ZNF100: variants seen among roughly 807,000 people sequenced by gnomAD.
The protein encoded by ZNF100 is zinc finger protein 100.
A neutral mutation model predicts 15.8 loss-of-function variants in ZNF100; 12 were observed. That is an observed-to-expected ratio of 0.76 (90% CI 0.49 to 1.23). The LOEUF is 1.23. Ranked by LOEUF, ZNF100 falls within the 50% of genes most tolerant of loss-of-function variation. ZNF100 has a pLI of 0.00. For missense variants in ZNF100, 670 were observed against 635.6 expected (o/e 1.05, Z -0.58); for synonymous variants, 226 against 214.8 (o/e 1.05, Z -0.45).
intron 2 of ZNF100, among the ~76,000 whole-genome samples, chr19:21,760,386 T>C (rs1414221360): frequency 1.3e-5 from 2 of 151,434 alleles, no homozygotes; most frequent in Admixed American, 6.6e-5. Flanking sequence ...TCCTAGCTAG[T>C]TGGGAGGCTG....
rs539603321 is a variant in ZNF100, at chr19:21,731,074, A to G, written c.323-3085T>C. On this transcript the variant is annotated intron_variant, in intron 4 of 4. Transcript: ENST00000358296. The stretch of plus-strand genomic sequence containing the variant: ...AAAGTACCCAAGAGTCTTCAAAAAA[A>G]AGAAAATGTTGAAGGCATTATAGTT... Among the ~76,000 whole-genome samples the G allele has an allele frequency of 2.6e-5, 4 of 152,280 alleles. No individual in the cohort carries two copies. The South Asian group carries it at 8.3e-4, about 32-fold the overall frequency.
At chr19:21,755,415 T>C (rs1417654084) in intron 2 of ZNF100, among the ~76,000 whole-genome samples, 1 of 151,090 alleles carries the variant, frequency 6.6e-6, no homozygotes, top group Non-Finnish European at 1.5e-5. Context: ...AGAATGGTAA[T>C]GATTAAAAAG....
intron 3 of ZNF100, among the ~76,000 whole-genome samples, 185 bp from the exon 4 acceptor site, chr19:21,744,300 G>A (rs181296407): frequency 4.5e-4 from 69 of 152,072 alleles, no homozygotes; most frequent in Non-Finnish European, 8.4e-4. Flanking sequence ...TTCACTACCC[G>A]GTACTCATGA....
At chr19:21,733,866 G>A (rs1324475737) in intron 4 of ZNF100, among the ~76,000 whole-genome samples, 1 of 152,278 alleles carries the variant, frequency 6.6e-6, no homozygotes, top group Non-Finnish European at 1.5e-5. Flanking sequence ...GGAGCAGGCA[G>A]TTCTCTCTGC....
At position 21,731,302 on chromosome 19, in the gene ZNF100, C is replaced by CTTTTTTTTTTTTTT. The variant is rs1052854047; in HGVS notation, c.323-3314_323-3313insAAAAAAAAAAAAAA. Among the ~76,000 whole-genome samples, 4 of 139,632 alleles carry CTTTTTTTTTTTTTT rather than the reference C, an allele frequency of 2.9e-5. 1 individual carries two copies. Among genetic ancestry groups the CTTTTTTTTTTTTTT allele is most frequent in the Non-Finnish European group, 3.1e-5 (2 of 65,500 alleles). 91.6% of individuals were successfully genotyped at this position (139,632 alleles called of 152,430 possible). On this transcript the variant is annotated intron_variant, in intron 4 of 4. Coordinates refer to ENST00000358296, the MANE Select transcript of ZNF100 (RefSeq NM_173531.4). ...TGCAAGTTTCTTTCCTTTTTCTTTC[C>CTTTTTTTTTTTTTT]TTTTTTTTTTATTTTTTATTTTTTG...
chr19:21,765,485 T>C (rs947079451), intron 2 of ZNF100, among the ~76,000 whole-genome samples: 5 of 152,224 alleles, frequency 3.3e-5, no homozygotes, highest in African/African-American at 1.2e-4. Context: ...TTTGGAATAC[T>C]TTTTGGTAAC....
intron 2 of ZNF100, among the ~76,000 whole-genome samples, chr19:21,761,993 G>GATC (rs2145746412): frequency 6.6e-6 from 1 of 152,252 alleles, no homozygotes; most frequent in East Asian, 1.9e-4. Context: ...AAGGCAGGCA[G>GATC]ATCACTTGAG....
At chr19:21,741,013 C>T (rs1011780350) in intron 4 of ZNF100, among the ~76,000 whole-genome samples, 16 of 152,062 alleles carry the variant, frequency 1.1e-4, no homozygotes, top group African/African-American at 3.9e-4. Context: ...TGAGGCAACC[C>T]GGGTGTCTCT....
intron 2 of ZNF100, among the ~76,000 whole-genome samples, chr19:21,758,073 G>T (rs2036419186): frequency 6.6e-6 from 1 of 151,510 alleles, no homozygotes; most frequent in Non-Finnish European, 1.5e-5. Flanking sequence ...AACAAAATAT[G>T]GTACATAAGC....
At chr19:21,733,375 A>G (rs1409000715) in intron 4 of ZNF100, among the ~76,000 whole-genome samples, 1 of 152,222 alleles carries the variant, frequency 6.6e-6, no homozygotes, top group African/African-American at 2.4e-5. Context: ...ATTAAAATAC[A>G]TTGTTTTAAC....
At chr19:21,730,777 T>G (rs1169928316) in intron 4 of ZNF100, among the ~76,000 whole-genome samples, 1 of 152,132 alleles carries the variant, frequency 6.6e-6, no homozygotes, top group Non-Finnish European at 1.5e-5. Context: ...AACACATTTG[T>G]TAAGACTGAG....
intron 2 of ZNF100, chr19:21,753,624 T>C (rs2036345981): frequency 6.6e-6 from 1 of 152,144 alleles, no homozygotes; most frequent in Non-Finnish European, 1.5e-5. Context: ...TTTATGAAGG[T>C]TTGTAGCACT....
At position 21,723,528 on chromosome 19, in the gene ZNF100, G is replaced by C. The variant is rs1309137732; in HGVS notation, c.*3155C>G. 6.6e-6 allele frequency: 1 copy of C among 152,130 alleles called. No homozygotes were observed. The highest frequency in any genetic ancestry group is 1.9e-4 in the East Asian group (1 of 5,196). 9.4% of individuals were successfully genotyped at this position (152,130 alleles called of 1,614,324 possible). A position where few individuals can be genotyped will look rare whatever the true frequency, so the allele number is the denominator to read the frequency against. ...GCTGGGGATACACATAATAAATACAGAGAAATCTGAAGATAATTAAGAAAT... is the reference window on the plus strand; with the variant it reads ...GCTGGGGATACACATAATAAATACACAGAAATCTGAAGATAATTAAGAAAT... On this transcript the variant is annotated 3_prime_UTR_variant, in exon 5 of 5. Coordinates refer to ENST00000358296, the MANE Select transcript of ZNF100 (RefSeq NM_173531.4).
At chr19:21,752,114 C>T (rs891165328) in intron 2 of ZNF100, 6 of 178,546 alleles carry the variant, frequency 3.4e-5, no homozygotes, top group Non-Finnish European at 5.8e-5. Flanking sequence ...ACAAAACACT[C>T]TTCTGTCCTT....
chr19:21,728,130 G>GA, intron 4 of ZNF100, 141 bp from the exon 5 acceptor site: 1 of 680,938 alleles, frequency 1.5e-6, no homozygotes, highest in Non-Finnish European at 2.0e-6. Flanking sequence ...ACATATAAAT[G>GA]TAAAAAAAAA....
At position 21,726,508 on chromosome 19, in the gene ZNF100, A is replaced by T; in HGVS notation, c.*175T>A. 1.7e-6 allele frequency: 1 copy of T among 605,434 alleles called. No homozygotes were observed. Among genetic ancestry groups the T allele is most frequent in the Non-Finnish European group, 2.7e-6 (1 of 364,776 alleles). The allele number at this position is 605,434 out of a possible 1,614,324, so 37.5% of individuals were successfully genotyped here. ...TTTGAGGTGTTTTCAAAGCACTGTC[A>T]CATCTTTCTGGTTTGTAGAATTTCT... is the stretch of plus-strand genomic sequence containing the variant. On this transcript the variant is annotated 3_prime_UTR_variant, in exon 5 of 5. Coordinates refer to ENST00000358296, the MANE Select transcript of ZNF100 (RefSeq NM_173531.4).
chr19:21,745,337 TAC>T (rs1395760043), intron 2 of ZNF100, among the ~76,000 whole-genome samples: 1 of 152,164 alleles, frequency 6.6e-6, no homozygotes, highest in African/African-American at 2.4e-5. Context: ...CACAAACATA[TAC>T]ATTTTTGAGT....
At chr19:21,757,464 A>G (rs764935555) in intron 2 of ZNF100, among the ~76,000 whole-genome samples, 9 of 152,174 alleles carry the variant, frequency 5.9e-5, no homozygotes, top group Non-Finnish European at 1.3e-4. Context: ...ACTAACAGAT[A>G]CTGGCAAGGT....
Position 21,765,784 on chromosome 19 carries a change from ATCCTAC to A in ZNF100, c.4-4_5del. On this transcript the variant is annotated splice_acceptor_variant and splice_polypyrimidine_tract_variant and coding_sequence_variant and intron_variant, in exon 2 of 5. Transcript: ENST00000358296. LOFTEE classifies it high-confidence loss of function. ...GAGGACACATTCCATACCTCGGGTC[ATCCTAC>A]GGGAGAAAATAAACCAGAAGCTGAC... 2 of 1,614,060 alleles carry A rather than the reference ATCCTAC, an allele frequency of 1.2e-6. No individual in the cohort carries two copies. Among genetic ancestry groups the A allele is most frequent in the Non-Finnish European group, 1.7e-6 (2 of 1,179,974 alleles).
Sources: gnomAD v4.1 joint callset for allele counts (sites outside exome capture counted in the v4.1 genomes callset) on GRCh38, gnomAD v4.1.1 for gene constraint, MANE v1.5 for transcripts, NCBI Gene and HGNC (gene_info 2026-07-23, HGNC 2026-07-21) for gene names.